TUSC3: variants seen among roughly 807,000 people sequenced by gnomAD.
TUSC3 encodes dolichyl-diphosphooligosaccharide--protein glycosyltransferase subunit TUSC3.
A neutral mutation model predicts 44.8 loss-of-function variants in TUSC3; 45 were observed. The observed-to-expected ratio is 1.00, with a 90% CI of 0.79 to 1.29. The LOEUF is 1.29. TUSC3 is among the 50% of genes most tolerant of loss of function. TUSC3 has a pLI of 0.00. For missense variants in TUSC3, 519 were observed against 437.9 expected (o/e 1.19, Z -1.65); for synonymous variants, 212 against 152.9 (o/e 1.39, Z -2.85).
chr8:15,751,655 C>A (rs148630466), intron 9 of TUSC3, among the ~76,000 whole-genome samples: 4 of 149,134 alleles, frequency 2.7e-5, no homozygotes, highest in Non-Finnish European at 6.0e-5. Flanking sequence ...GTTTCTTAGG[C>A]ACATCCAAAA....
At chr8:15,744,839 A>G (rs1296893183) in intron 8 of TUSC3, among the ~76,000 whole-genome samples, 1 of 152,076 alleles carries the variant, frequency 6.6e-6, no homozygotes, top group Non-Finnish European at 1.5e-5. Context: ...GGGTTTATGT[A>G]TAAGTTTGTC....
intron 1 of TUSC3, among the ~76,000 whole-genome samples, chr8:15,434,334 G>A (rs1039942713): frequency 2.0e-5 from 3 of 151,970 alleles, no homozygotes; most frequent in East Asian, 1.9e-4. Flanking sequence ...TAAGTAGTTT[G>A]GATACAAATT....
intron 6 of TUSC3, among the ~76,000 whole-genome samples, chr8:15,720,195 T>TACACACACACAC (rs1466395656): frequency 2.0e-5 from 2 of 101,390 alleles, no homozygotes; most frequent in African/African-American, 8.9e-5. Flanking sequence ...ATAGTGTATA[T>TACACACACACAC]ATATATACAC....
chr8:15,469,674 G>T (rs958158465), intron 1 of TUSC3, among the ~76,000 whole-genome samples: 35 of 152,280 alleles, frequency 2.3e-4, no homozygotes, highest in Admixed American at 1.8e-3. Context: ...GAAAACTTAC[G>T]TCCATAGAAA....
intron 5 of TUSC3, among the ~76,000 whole-genome samples, chr8:15,667,015 G>A (rs559580087): frequency 2.0e-4 from 31 of 151,614 alleles, no homozygotes; most frequent in African/African-American, 7.0e-4. Flanking sequence ...ATAGATTTTA[G>A]CATTTGAATG....
chr8:15,444,137 CAATT>C (rs1439688269), intron 1 of TUSC3, among the ~76,000 whole-genome samples: 2 of 152,268 alleles, frequency 1.3e-5, no homozygotes, highest in South Asian at 2.1e-4. Flanking sequence ...TATTCATAAG[CAATT>C]AATTGACACA....
intron 6 of TUSC3, among the ~76,000 whole-genome samples, chr8:15,698,434 A>G (rs974163171): frequency 6.6e-6 from 1 of 152,206 alleles, no homozygotes; most frequent in Admixed American, 6.5e-5. Flanking sequence ...TTCAGTTTAT[A>G]TACTTACTAA....
rs1312108172 is a variant in TUSC3 at position 15,504,606 on chromosome 8, TATATATATATATATA to T, written n.189+21124_189+21138del. On this transcript the variant is annotated intron_variant and non_coding_transcript_variant, in intron 2 of 5. Coordinates refer to the TUSC3 transcript ENST00000503191. ...ATATATATATATATATATATATATA[TATATATATATATATA>T]TTTTTTTTTTTTTTTTTTTTTAAGT... 9.8e-3 allele frequency among the ~76,000 whole-genome samples: 343 copies of T among 35,170 alleles called. 2 individuals carry two copies. The highest frequency in any genetic ancestry group is 0.031 in the African/African-American group (209 of 6,812). The allele number at this position is 35,170 out of a possible 152,430, so 23.1% of individuals were successfully genotyped here.
intron 2 of TUSC3, among the ~76,000 whole-genome samples, chr8:15,502,034 T>C (rs1184093207): frequency 6.6e-6 from 1 of 152,218 alleles, no homozygotes; most frequent in Non-Finnish European, 1.5e-5. Context: ...TAATCATCTA[T>C]TGGTTTCCTT....
At chr8:15,556,687 A>T (rs1402051314) in intron 1 of TUSC3, among the ~76,000 whole-genome samples, 1 of 146,054 alleles carries the variant, frequency 6.8e-6, no homozygotes, top group Non-Finnish European at 1.5e-5. Flanking sequence ...CTTTTTAATG[A>T]TTGCCACTCT....
At position 15,764,250 on chromosome 8, in the gene TUSC3, T is replaced by C; in HGVS notation, c.*94T>C. On this transcript the variant is annotated 3_prime_UTR_variant, in exon 11 of 11. Transcript: ENST00000503731. ...GTGGGATTTGCATAAAGTGAATGTT[T>C]ACCATGAAGATAAACTGTTCCTGAC... The C allele has an allele frequency of 6.2e-7, 1 of 1,602,012 alleles. No homozygotes were observed. The highest frequency in any genetic ancestry group is 8.5e-7 in the Non-Finnish European group (1 of 1,170,694).
chr8:15,418,034 G>A (rs74389543), intron 1 of TUSC3, among the ~76,000 whole-genome samples: 4,743 of 152,228 alleles, frequency 0.031, 245 homozygotes, highest in African/African-American at 0.11. Flanking sequence ...CCCAGGTTCC[G>A]TTAGATAGAC....
intron 9 of TUSC3, among the ~76,000 whole-genome samples, chr8:15,749,602 G>A (rs1051946856): frequency 6.6e-6 from 1 of 151,720 alleles, no homozygotes; most frequent in African/African-American, 2.4e-5. Context: ...GGGCAGCAAG[G>A]GTTATGAGAG....
the TUSC3 span, among the ~76,000 whole-genome samples, chr8:15,838,369 T>A: frequency 6.6e-6 from 1 of 152,200 alleles, no homozygotes; most frequent in Non-Finnish European, 1.5e-5. Context: ...AAGGCTTCTA[T>A]TTTAATAAAG....
intron 1 of TUSC3, among the ~76,000 whole-genome samples, chr8:15,582,682 T>C (rs1219396807): frequency 3.3e-5 from 5 of 152,196 alleles, no homozygotes; most frequent in Non-Finnish European, 7.4e-5. Flanking sequence ...GCTCTGAGAA[T>C]GTAATTCTCT....
At chr8:15,682,665 GAA>G (rs1481771375) in intron 6 of TUSC3, among the ~76,000 whole-genome samples, 1 of 152,114 alleles carries the variant, frequency 6.6e-6, no homozygotes. Context: ...ATTGATATGT[GAA>G]GTTTTCTTCC....
chr8:15,731,681 G>T (rs1266843008), intron 7 of TUSC3, among the ~76,000 whole-genome samples: 1 of 151,974 alleles, frequency 6.6e-6, no homozygotes, highest in Non-Finnish European at 1.5e-5. Context: ...ACTTTATTAT[G>T]GTGTGTGACA....
chr8:15,588,161 A>G (rs769804345), intron 1 of TUSC3, among the ~76,000 whole-genome samples: 9 of 152,172 alleles, frequency 5.9e-5, no homozygotes, highest in Non-Finnish European at 1.0e-4. Flanking sequence ...TAATGGGGGT[A>G]ATAATTTACA....
At chr8:15,786,169 C>A in the TUSC3 span, among the ~76,000 whole-genome samples, 1 of 152,152 alleles carries the variant, frequency 6.6e-6, no homozygotes, top group South Asian at 2.1e-4. Flanking sequence ...AGACTAAGCA[C>A]AAATGTTTCT....
Sources: gnomAD v4.1 joint callset for allele counts (sites outside exome capture counted in the v4.1 genomes callset) on GRCh38, gnomAD v4.1.1 for gene constraint, MANE v1.5 for transcripts, NCBI Gene and HGNC (gene_info 2026-07-23, HGNC 2026-07-21) for gene names.